DENND1A: variants seen among roughly 807,000 people sequenced by gnomAD.
DENND1A encodes the protein DENN domain-containing protein 1A.
Under a neutral mutation model 113.7 loss-of-function variants are expected in DENND1A, and 51 were observed. That is an observed-to-expected ratio of 0.45 (90% CI 0.36 to 0.57). DENND1A has a LOEUF of 0.57. DENND1A is among the 20% of genes least tolerant of loss of function. DENND1A has a pLI of 0.00. For synonymous variants in DENND1A, 565 were observed against 570.8 expected, an observed-to-expected ratio of 0.99 and a Z score of 0.14; for missense variants, 1,258 against 1,395.9, an observed-to-expected ratio of 0.90 and a Z score of 1.57.
At chr9:123,873,981 T>A (rs914233735) in intron 2 of DENND1A, among the ~76,000 whole-genome samples, 1 of 152,118 alleles carries the variant, frequency 6.6e-6, no homozygotes, top group Non-Finnish European at 1.5e-5. Context: ...GACCTTGTGA[T>A]CCGCCCACCT....
intron 5 of DENND1A, among the ~76,000 whole-genome samples, chr9:123,690,107 A>AGGAAGAAAAAGGAGGGAGGGG (rs2065087875): frequency 1.2e-5 from 1 of 82,516 alleles, no homozygotes; most frequent in Non-Finnish European, 2.3e-5. Flanking sequence ...GGAGGGAGGG[A>AGGAAGAAAAAGGAGGGAGGGG]GGAAGAAAAA....
At chr9:123,461,924 TG>T (rs2048558702) in intron 13 of DENND1A, 1 of 40,260 alleles carries the variant, frequency 2.5e-5, no homozygotes, top group Non-Finnish European at 4.8e-5. Context: ...CAGGGTGGGG[TG>T]GGGTGGGGGG....
chr9:123,382,932 C>T (rs904163729), intron 23 of DENND1A, among the ~76,000 whole-genome samples: 4 of 152,228 alleles, frequency 2.6e-5, no homozygotes, highest in Non-Finnish European at 2.9e-5. Context: ...CTTTTTAGAT[C>T]GCAGGCACCC....
Position 123,495,583 on chromosome 9 carries a change from T to C in DENND1A, c.994-37686A>G, listed in dbSNP as rs187429417. The stretch of plus-strand genomic sequence containing the variant: ...GTGTGGTCACAGCCCATGATACTTC[T>C]ACATCTTGAGAGAACCCACCGATCA... On this transcript the variant is annotated intron_variant, in intron 13 of 23. Coordinates refer to ENST00000394215, the MANE Select transcript of DENND1A (RefSeq NM_001352964.2). 6.6e-5 allele frequency among the ~76,000 whole-genome samples: 10 copies of C among 152,370 alleles called. No homozygotes were observed. The East Asian group carries it at 1.2e-3, about 18-fold the overall frequency.
chr9:123,401,623 T>C, intron 21 of DENND1A: 1 of 1,437,422 alleles, frequency 7.0e-7, no homozygotes, highest in South Asian at 1.5e-5. Context: ...CAACCCCAAA[T>C]ATTTTCCAAC....
intron 13 of DENND1A, among the ~76,000 whole-genome samples, chr9:123,546,271 G>A (rs901673634): frequency 7.3e-5 from 11 of 151,718 alleles, no homozygotes; most frequent in South Asian, 2.1e-4. Flanking sequence ...AGTATTGGCC[G>A]GGCGAGGTGG....
At chr9:123,556,186 TC>T (rs1481548616) in intron 13 of DENND1A, among the ~76,000 whole-genome samples, 1 of 152,126 alleles carries the variant, frequency 6.6e-6, no homozygotes, top group African/African-American at 2.4e-5. Context: ...AGAGAGTGTA[TC>T]CCTTCTGCTA....
At chr9:123,886,667 CAA>C (rs1231471110) in intron 1 of DENND1A, among the ~76,000 whole-genome samples, 1 of 152,188 alleles carries the variant, frequency 6.6e-6, no homozygotes, top group African/African-American at 2.4e-5. Flanking sequence ...AAATTTCCAA[CAA>C]GTCTCCATTT....
rs1008331892 is a variant in DENND1A at position 123,458,002 on chromosome 9, T to C, written c.994-105A>G. 1.8e-5 allele frequency: 14 copies of C among 795,902 alleles called. No individual in the cohort carries two copies. The African/African-American group carries it at 1.9e-4, about 11-fold the overall frequency. 49.3% of individuals were successfully genotyped at this position (795,902 alleles called of 1,614,324 possible). ...TCTCCATCTGCTATTTTTTTTCTTT[T>C]CCTTTTTTTTTTTTTTGAGATGGAG... On this transcript the variant is annotated intron_variant, in intron 13 of 23. Coordinates refer to ENST00000394215, the MANE Select transcript of DENND1A (RefSeq NM_001352964.2).
chr9:123,485,682 ACACACACACG>A (rs2050801658), intron 13 of DENND1A: 2 of 139,788 alleles, frequency 1.4e-5, no homozygotes, highest in East Asian at 2.2e-4. Context: ...ACACACACAC[ACACACACACG>A]CAGTGTGGGG....
At chr9:123,398,687 C>G (rs916100951) in intron 21 of DENND1A, among the ~76,000 whole-genome samples, 2 of 150,832 alleles carry the variant, frequency 1.3e-5, no homozygotes, top group African/African-American at 2.4e-5. Flanking sequence ...ACCATTGGCT[C>G]TTTCTAAGCA....
intron 2 of DENND1A, among the ~76,000 whole-genome samples, chr9:123,805,228 T>C (rs1367470705): frequency 6.6e-6 from 1 of 152,156 alleles, no homozygotes; most frequent in Non-Finnish European, 1.5e-5. Flanking sequence ...CTGGGTTATG[T>C]TTCTCTTTAG....
chr9:123,417,169 G>A (rs1388600034), intron 19 of DENND1A, among the ~76,000 whole-genome samples: 1 of 152,180 alleles, frequency 6.6e-6, no homozygotes, highest in African/African-American at 2.4e-5. Flanking sequence ...AGTTACAGCC[G>A]CACGAGGTTC....
At position 123,464,353 on chromosome 9, in the gene DENND1A, G is replaced by A. The variant is rs191901486; in HGVS notation, c.994-6456C>T. ...GCAACCCAAGGGTTCATCTGTGGAGGAGCGGATAAACAAAGTGTGGCATAT... is the reference window on the plus strand; with the variant it reads ...GCAACCCAAGGGTTCATCTGTGGAGAAGCGGATAAACAAAGTGTGGCATAT... On this transcript the variant is annotated intron_variant, in intron 13 of 23. Coordinates refer to ENST00000394215, the MANE Select transcript of DENND1A (RefSeq NM_001352964.2). 4.6e-3 allele frequency among the ~76,000 whole-genome samples: 703 copies of A among 152,324 alleles called. 28 individuals carry two copies. The highest frequency in any genetic ancestry group is 0.039 in the Admixed American group (589 of 15,290).
At chr9:123,661,845 A>G (rs1014163469) in intron 8 of DENND1A, among the ~76,000 whole-genome samples, 6 of 152,242 alleles carry the variant, frequency 3.9e-5, no homozygotes, top group Admixed American at 6.5e-5. Context: ...GAAAGTAGAG[A>G]GAAAACGAAA....
At chr9:123,565,060 T>G (rs1214722719) in intron 12 of DENND1A, among the ~76,000 whole-genome samples, 2 of 145,594 alleles carry the variant, frequency 1.4e-5, no homozygotes, top group Non-Finnish European at 3.0e-5. Flanking sequence ...GGCACCATCT[T>G]GGCTCACTGC....
chr9:123,416,745 T>G (rs935768335), intron 19 of DENND1A, among the ~76,000 whole-genome samples: 2 of 152,222 alleles, frequency 1.3e-5, no homozygotes, highest in African/African-American at 4.8e-5. Context: ...GCAAAGTGCC[T>G]GCTTTCCTGA....
chr9:123,530,744 C>G (rs906933438), intron 13 of DENND1A, among the ~76,000 whole-genome samples: 2 of 152,154 alleles, frequency 1.3e-5, no homozygotes, highest in Non-Finnish European at 2.9e-5. Flanking sequence ...CAGTGTATAC[C>G]TGAAACTGCA....
intron 13 of DENND1A, among the ~76,000 whole-genome samples, chr9:123,499,889 CCT>C (rs1200915354): frequency 6.6e-6 from 1 of 152,202 alleles, no homozygotes; most frequent in African/African-American, 2.4e-5. Flanking sequence ...AGGATCTGGT[CCT>C]CTCCTCTCTG....
Sources: gnomAD v4.1 joint callset for allele counts (sites outside exome capture counted in the v4.1 genomes callset) on GRCh38, gnomAD v4.1.1 for gene constraint, MANE v1.5 for transcripts, NCBI Gene and HGNC (gene_info 2026-07-23, HGNC 2026-07-21) for gene names.